RSRC1: variants seen among roughly 807,000 people sequenced by gnomAD.
RSRC1 encodes serine/Arginine-related protein 53.
RSRC1 carries 39 observed loss-of-function variants against 49.1 expected under a neutral mutation model. The observed-to-expected ratio is 0.79, with a 90% confidence interval of 0.61 to 1.04. The LOEUF (loss-of-function observed/expected upper bound fraction) is 1.04. Ranked by LOEUF, RSRC1 falls within the 50% of genes least tolerant of loss-of-function variation. The probability of loss-of-function intolerance (pLI) is 0.00; values close to 1 mark genes in which losing one functional copy is unlikely to be tolerated. For synonymous variants in RSRC1, 143 were observed against 130.8 expected (o/e 1.09, Z -0.63); for missense variants, 388 against 402.4 (o/e 0.96, Z 0.31).
At chr3:158,487,375 C>A (rs1738854847) in intron 7 of RSRC1, among the ~76,000 whole-genome samples, 1 of 152,142 alleles carries the variant, frequency 6.6e-6, no homozygotes, top group South Asian at 2.1e-4. Context: ...GATACCATGA[C>A]ACACTTTTTA....
chr3:158,286,050 T>C (rs369898346), intron 4 of RSRC1, among the ~76,000 whole-genome samples: 26 of 152,342 alleles, frequency 1.7e-4, no homozygotes, highest in East Asian at 9.6e-4. Flanking sequence ...ATGTGTTAGC[T>C]ATTTGTACAG....
chr3:158,308,897 T>C (rs1346796088), intron 5 of RSRC1, among the ~76,000 whole-genome samples: 1 of 151,954 alleles, frequency 6.6e-6, no homozygotes, highest in Non-Finnish European at 1.5e-5. Flanking sequence ...GTGAGTTGAG[T>C]ATAAAACTTT....
At chr3:158,360,635 C>T (rs1283194054) in intron 6 of RSRC1, among the ~76,000 whole-genome samples, 1 of 152,240 alleles carries the variant, frequency 6.6e-6, no homozygotes, top group African/African-American at 2.4e-5. Flanking sequence ...GCTGGTGTGT[C>T]CATGCTGCCC....
chr3:158,372,912 A>T (rs1732160534), intron 6 of RSRC1, among the ~76,000 whole-genome samples: 1 of 151,776 alleles, frequency 6.6e-6, no homozygotes, highest in Non-Finnish European at 1.5e-5. Context: ...TCTTGCATGT[A>T]TTTGTTAAAT....
chr3:158,513,170 G>C, intron 7 of RSRC1, among the ~76,000 whole-genome samples: 1 of 149,836 alleles, frequency 6.7e-6, no homozygotes, highest in African/African-American at 2.5e-5. Flanking sequence ...GGAGTGGTGA[G>C]AGAGGGCATC....
chr3:158,139,361 G>A (rs192239998), intron 3 of RSRC1, among the ~76,000 whole-genome samples: 4 of 152,050 alleles, frequency 2.6e-5, no homozygotes, highest in African/African-American at 9.6e-5. Context: ...AGCTGAGATC[G>A]CGCCACTGCA....
chr3:158,113,611 C>A (rs940596040), intron 1 of RSRC1, among the ~76,000 whole-genome samples: 1 of 152,070 alleles, frequency 6.6e-6, no homozygotes, highest in Non-Finnish European at 1.5e-5. Flanking sequence ...TCGTGATCCA[C>A]CCCCCTCAGC....
chr3:158,170,719 T>C (rs1718833477), intron 3 of RSRC1, among the ~76,000 whole-genome samples: 2 of 152,172 alleles, frequency 1.3e-5, no homozygotes, highest in Non-Finnish European at 2.9e-5. Context: ...ACCCTCATAT[T>C]TCTAACTAGA....
chr3:158,234,004 T>TAC (rs933612913), intron 4 of RSRC1, among the ~76,000 whole-genome samples: 2 of 152,184 alleles, frequency 1.3e-5, no homozygotes, highest in African/African-American at 4.8e-5. Flanking sequence ...ATCCAAGCTG[T>TAC]ACACTTGTAA....
intron 4 of RSRC1, among the ~76,000 whole-genome samples, chr3:158,294,587 G>A (rs984411382): frequency 6.6e-6 from 1 of 151,912 alleles, no homozygotes; most frequent in Non-Finnish European, 1.5e-5. Flanking sequence ...AAAAGGAGGG[G>A]TAAAAACCTA....
chr3:158,150,625 T>G (rs1318400600), intron 3 of RSRC1, among the ~76,000 whole-genome samples: 1 of 152,154 alleles, frequency 6.6e-6, no homozygotes, highest in South Asian at 2.1e-4. Context: ...TAGGATGATA[T>G]GTAAGAGACT....
At chr3:158,331,479 T>C (rs1729541338) in intron 5 of RSRC1, among the ~76,000 whole-genome samples, 1 of 152,030 alleles carries the variant, frequency 6.6e-6, no homozygotes, top group Admixed American at 6.5e-5. Context: ...TTTAGTTCTG[T>C]GTTGCTGGAT....
At chr3:158,340,659 A>G (rs1199597865) in intron 5 of RSRC1, among the ~76,000 whole-genome samples, 1 of 152,214 alleles carries the variant, frequency 6.6e-6, no homozygotes, top group East Asian at 1.9e-4. Flanking sequence ...TTCTGTTCCC[A>G]GTGTCGGGTA....
chr3:158,467,921 A>G (rs1737958390), intron 7 of RSRC1, among the ~76,000 whole-genome samples: 1 of 152,212 alleles, frequency 6.6e-6, no homozygotes, highest in Admixed American at 6.5e-5. Context: ...TCATATTATT[A>G]CTATTACCTG....
intron 5 of RSRC1, among the ~76,000 whole-genome samples, chr3:158,314,411 T>C (rs561093046): frequency 3.3e-4 from 50 of 151,946 alleles, no homozygotes; most frequent in African/African-American, 1.2e-3. Context: ...ATTCTTTTTT[T>C]TTTTTTTACT....
At chr3:158,169,427 G>A (rs1718739498) in intron 3 of RSRC1, among the ~76,000 whole-genome samples, 1 of 152,080 alleles carries the variant, frequency 6.6e-6, no homozygotes, top group Non-Finnish European at 1.5e-5. Context: ...CCCTGGAAGT[G>A]TTTGCTTCTG....
At chr3:158,183,915 T>TA (rs1280940310) in intron 3 of RSRC1, among the ~76,000 whole-genome samples, 2 of 152,058 alleles carry the variant, frequency 1.3e-5, no homozygotes, top group Non-Finnish European at 2.9e-5. Flanking sequence ...TCTAAAAAGA[T>TA]AAAAAAGATT....
chr3:158,527,595 T>A (rs1712119826), intron 7 of RSRC1, among the ~76,000 whole-genome samples: 1 of 151,966 alleles, frequency 6.6e-6, no homozygotes, highest in Non-Finnish European at 1.5e-5. Context: ...TATATGTGCT[T>A]ATAAAAACAC....
At chr3:158,299,060 A>G (rs1314644006) in intron 5 of RSRC1, among the ~76,000 whole-genome samples, 1 of 152,164 alleles carries the variant, frequency 6.6e-6, no homozygotes, top group African/African-American at 2.4e-5. Flanking sequence ...GAGATTAATT[A>G]TTAAAAAGGA....
Sources: allele counts gnomAD v4.1 joint callset (sites outside exome capture counted in the v4.1 genomes callset), GRCh38; gene constraint gnomAD v4.1.1; transcripts MANE v1.5; gene names NCBI Gene and HGNC (gene_info 2026-07-23, HGNC 2026-07-21).